CACNA2D1: variants seen among roughly 807,000 people sequenced by gnomAD.
CACNA2D1 encodes the protein voltage-dependent calcium channel subunit alpha-2/delta-1.
A neutral mutation model predicts 171.5 loss-of-function variants in CACNA2D1; 53 were observed. The observed-to-expected ratio is 0.31, with a 90% CI of 0.25 to 0.39. The LOEUF is 0.39. CACNA2D1 is among the 10% of genes least tolerant of loss of function. CACNA2D1 has a pLI of 1.00. For missense variants in CACNA2D1, 903 were observed against 1,299.8 expected, an observed-to-expected ratio of 0.69 and a Z score of 4.69; for synonymous variants, 442 against 443.1, an observed-to-expected ratio of 1.00 and a Z score of 0.03.
At chr7:82,059,348 G>A (rs1806322757) in intron 10 of CACNA2D1, among the ~76,000 whole-genome samples, 2 of 152,072 alleles carry the variant, frequency 1.3e-5, no homozygotes, top group Admixed American at 1.3e-4. Context: ...ATGAGTAGGA[G>A]GGTCTATGAT....
chr7:82,223,534 A>T (rs1198440463), intron 3 of CACNA2D1, among the ~76,000 whole-genome samples: 1 of 152,216 alleles, frequency 6.6e-6, no homozygotes, highest in African/African-American at 2.4e-5. Flanking sequence ...GCATCCTTGC[A>T]CTTTAGATGC....
At chr7:82,227,231 A>G (rs1802457821) in intron 3 of CACNA2D1, among the ~76,000 whole-genome samples, 1 of 152,216 alleles carries the variant, frequency 6.6e-6, no homozygotes, top group Non-Finnish European at 1.5e-5. Context: ...CAAGTCTTCA[A>G]GGTTGGGAAG....
At chr7:82,191,179 A>G (rs939218788) in intron 3 of CACNA2D1, among the ~76,000 whole-genome samples, 5 of 151,770 alleles carry the variant, frequency 3.3e-5, no homozygotes, top group African/African-American at 1.2e-4. Flanking sequence ...GGATCACAAA[A>G]TTAGTAATTT....
chr7:82,242,602 T>C (rs187396739), intron 3 of CACNA2D1, among the ~76,000 whole-genome samples: 1 of 152,286 alleles, frequency 6.6e-6, no homozygotes, highest in East Asian at 1.9e-4. Flanking sequence ...TTCAGTCTTT[T>C]ATAGCAGTAA....
At chr7:82,318,431 T>C (rs1815371231) in intron 3 of CACNA2D1, among the ~76,000 whole-genome samples, 1 of 152,148 alleles carries the variant, frequency 6.6e-6, no homozygotes, top group Non-Finnish European at 1.5e-5. Context: ...AATTCTTGTT[T>C]TTCACACATA....
At chr7:81,982,284 C>T (rs1241937064) in intron 24 of CACNA2D1, among the ~76,000 whole-genome samples, 1 of 152,134 alleles carries the variant, frequency 6.6e-6, no homozygotes, top group Admixed American at 6.6e-5. Context: ...TGTGTGCCAC[C>T]ATGCCCAGCA....
chr7:82,273,412 G>A (rs981744338), intron 3 of CACNA2D1, among the ~76,000 whole-genome samples: 2 of 151,422 alleles, frequency 1.3e-5, no homozygotes, highest in African/African-American at 4.8e-5. Context: ...ATACGATGTT[G>A]CCATTATGAT....
intron 3 of CACNA2D1, among the ~76,000 whole-genome samples, chr7:82,198,111 C>T (rs1034961242): frequency 1.3e-4 from 20 of 149,156 alleles, no homozygotes; most frequent in Non-Finnish European, 2.1e-4. Flanking sequence ...ACAAAAACAA[C>T]AATAAATAGA....
chr7:82,400,858 A>G (rs1826317006), intron 1 of CACNA2D1, among the ~76,000 whole-genome samples: 1 of 151,936 alleles, frequency 6.6e-6, no homozygotes. Flanking sequence ...CAAATTTACA[A>G]GAAAAAAACA....
intron 6 of CACNA2D1, among the ~76,000 whole-genome samples, chr7:82,112,220 A>T (rs2129049555): frequency 6.6e-6 from 1 of 152,302 alleles, no homozygotes; most frequent in East Asian, 1.9e-4. Context: ...CGTGGATTGC[A>T]TTTCCTTTAA....
intron 1 of CACNA2D1, among the ~76,000 whole-genome samples, chr7:82,392,793 A>T (rs1043224599): frequency 6.6e-6 from 1 of 152,154 alleles, no homozygotes; most frequent in African/African-American, 2.4e-5. Context: ...CTTTTCCCAT[A>T]TCAATACAAC....
intron 3 of CACNA2D1, among the ~76,000 whole-genome samples, chr7:82,286,269 G>A (rs1810754355): frequency 1.3e-5 from 2 of 152,036 alleles, no homozygotes; most frequent in Admixed American, 6.6e-5. Context: ...TGGGAAGTCT[G>A]TTTTTCCTGT....
intron 3 of CACNA2D1, among the ~76,000 whole-genome samples, chr7:82,296,728 T>TTA (rs1812332075): frequency 6.6e-6 from 1 of 152,144 alleles, no homozygotes; most frequent in Admixed American, 6.5e-5. Flanking sequence ...ATTTCATTTG[T>TTA]TATATAGTAT....
intron 3 of CACNA2D1, among the ~76,000 whole-genome samples, chr7:82,281,535 A>T (rs1281492839): frequency 6.6e-6 from 1 of 152,238 alleles, no homozygotes; most frequent in Non-Finnish European, 1.5e-5. Flanking sequence ...GGAGTTTCAC[A>T]TAGATTAAAA....
chr7:82,140,160 A>T (rs1193051822), intron 4 of CACNA2D1, among the ~76,000 whole-genome samples: 1 of 152,096 alleles, frequency 6.6e-6, no homozygotes, highest in African/African-American at 2.4e-5. Flanking sequence ...ATATCAATGA[A>T]AAAAACAAAA....
At chr7:82,420,020 G>A (rs547084494) in intron 1 of CACNA2D1, among the ~76,000 whole-genome samples, 140 of 152,216 alleles carry the variant, frequency 9.2e-4, no homozygotes, top group Non-Finnish European at 1.6e-3. Flanking sequence ...AGCGCCCCCC[G>A]CCCTTCCACT....
At chr7:82,399,609 T>C (rs1339131669) in intron 1 of CACNA2D1, among the ~76,000 whole-genome samples, 3 of 152,110 alleles carry the variant, frequency 2.0e-5, no homozygotes, top group African/African-American at 7.2e-5. Context: ...CTGGCGAATC[T>C]TGTATTTACA....
intron 3 of CACNA2D1, among the ~76,000 whole-genome samples, chr7:82,303,070 T>G (rs896919489): frequency 1.3e-5 from 2 of 152,068 alleles, no homozygotes; most frequent in Non-Finnish European, 2.9e-5. Flanking sequence ...CTCGGCTCAC[T>G]GCAAGCTCCG....
intron 6 of CACNA2D1, among the ~76,000 whole-genome samples, chr7:82,103,113 G>C (rs1172682660): frequency 1.3e-5 from 2 of 152,080 alleles, no homozygotes; most frequent in Non-Finnish European, 1.5e-5. Context: ...TTCGAGACCA[G>C]CCTGGCCAAC....
Sources: gnomAD v4.1 joint callset for allele counts (sites outside exome capture counted in the v4.1 genomes callset) on GRCh38, gnomAD v4.1.1 for gene constraint, MANE v1.5 for transcripts, NCBI Gene and HGNC (gene_info 2026-07-23, HGNC 2026-07-21) for gene names.